KSR2: variants seen among roughly 807,000 people sequenced by gnomAD.
KSR2 encodes the protein kinase suppressor of ras 2.
A neutral mutation model predicts 107.8 loss-of-function variants in KSR2; 25 were observed. That is an observed-to-expected ratio of 0.23 (90% CI 0.17 to 0.32). The LOEUF (loss-of-function observed/expected upper bound fraction) is 0.32. Ranked by LOEUF, KSR2 falls within the 10% of genes least tolerant of loss-of-function variation. KSR2 has a pLI of 1.00. For synonymous variants in KSR2, 480 were observed against 507.0 expected (o/e 0.95, Z 0.71); for missense variants, 887 against 1,268.9 (o/e 0.70, Z 4.57).
chr12:117,625,659 A>T (rs940817572), intron 5 of KSR2, among the ~76,000 whole-genome samples: 1 of 151,998 alleles, frequency 6.6e-6, no homozygotes, highest in Non-Finnish European at 1.5e-5. Flanking sequence ...TTGGTCTAAA[A>T]TTTTCTTTTT....
chr12:117,668,577 C>T (rs1884766946), intron 4 of KSR2, among the ~76,000 whole-genome samples: 1 of 152,202 alleles, frequency 6.6e-6, no homozygotes. Flanking sequence ...TGGGGCCAGA[C>T]TCCCCAGATT....
intron 1 of KSR2, among the ~76,000 whole-genome samples, chr12:117,935,321 C>T (rs1895807781): frequency 6.6e-6 from 1 of 152,148 alleles, no homozygotes; most frequent in African/African-American, 2.4e-5. Context: ...GACTCATCCA[C>T]CTGCTTCTAT....
chr12:117,666,375 A>C (rs970732674), intron 5 of KSR2, among the ~76,000 whole-genome samples: 2 of 152,254 alleles, frequency 1.3e-5, no homozygotes, highest in Non-Finnish European at 2.9e-5. Flanking sequence ...GTAATGAAGG[A>C]AACCCCATAT....
chr12:117,527,037 G>A (rs779867621), intron 13 of KSR2, 34 bp downstream of exon 13: 2 of 1,605,934 alleles, frequency 1.2e-6, no homozygotes, highest in South Asian at 1.1e-5. Context: ...GGCAGTCCCT[G>A]GAAAATGTCG....
chr12:117,842,069 C>T lies in KSR2; in HGVS notation c.472+13359G>A, dbSNP rs1892507910. ...GTGTTCCCCAAACCAGCAGCACCAG[C>T]GTCGCCTGGGAACTTGTTAATGCAG... On this transcript the variant is annotated intron_variant, in intron 3 of 19. Transcript: ENST00000339824. The surrounding 1 kb of genome is among the most constrained non-coding windows in gnomAD (Gnocchi z 4.2). Among the ~76,000 whole-genome samples, 1 of 152,222 alleles carries T rather than the reference C, an allele frequency of 6.6e-6. No homozygotes were observed. Among genetic ancestry groups the T allele is most frequent in the African/African-American group, 2.4e-5 (1 of 41,456 alleles).
intron 7 of KSR2, among the ~76,000 whole-genome samples, chr12:117,563,065 A>C (rs1878228402): frequency 6.6e-6 from 1 of 152,094 alleles, no homozygotes; most frequent in Non-Finnish European, 1.5e-5. Flanking sequence ...CTTAATGGAA[A>C]CTGTTCTTCC....
At chr12:117,957,080 C>T (rs763585657) in intron 1 of KSR2, among the ~76,000 whole-genome samples, 34 of 152,244 alleles carry the variant, frequency 2.2e-4, no homozygotes, top group Non-Finnish European at 4.4e-5. Flanking sequence ...AATCCTATGG[C>T]TGCCACCTCT....
At chr12:117,794,034 A>ACACT (rs150068228) in intron 3 of KSR2, among the ~76,000 whole-genome samples, 7 of 47,494 alleles carry the variant, frequency 1.5e-4, no homozygotes, top group African/African-American at 5.5e-4. Context: ...ACCAACATGC[A>ACACT]CACACCAACA....
At chr12:117,846,292 ATTT>A (rs35755364) in intron 3 of KSR2, among the ~76,000 whole-genome samples, 18 of 127,482 alleles carry the variant, frequency 1.4e-4, no homozygotes, top group South Asian at 5.1e-4. Flanking sequence ...TTACCATTTG[ATTT>A]TTTTTTTTTT....
intron 1 of KSR2, among the ~76,000 whole-genome samples, chr12:117,889,018 G>T (rs928107837): frequency 1.3e-5 from 2 of 152,130 alleles, no homozygotes; most frequent in African/African-American, 4.8e-5. Context: ...AAAAATGAAT[G>T]CTCCCACAGG....
chr12:117,550,396 T>C (rs1357622154), intron 9 of KSR2, among the ~76,000 whole-genome samples: 1 of 152,218 alleles, frequency 6.6e-6, no homozygotes, highest in African/African-American at 2.4e-5. Context: ...CCATGGACAC[T>C]TTCTAAGGAA....
At chr12:117,705,733 G>C (rs1357631528) in intron 4 of KSR2, among the ~76,000 whole-genome samples, 1 of 152,234 alleles carries the variant, frequency 6.6e-6, no homozygotes, top group African/African-American at 2.4e-5. Context: ...GAACCTGCCA[G>C]AGAAGTTGAG....
At chr12:117,905,584 C>T (rs1894817318) in intron 1 of KSR2, among the ~76,000 whole-genome samples, 1 of 152,136 alleles carries the variant, frequency 6.6e-6, no homozygotes, top group African/African-American at 2.4e-5. Context: ...TTACATTCCA[C>T]AGCTATGGTA....
At position 117,658,658 on chromosome 12, in the gene KSR2, G is replaced by A. The variant is rs144666240; in HGVS notation, c.1171+8816C>T. Among the ~76,000 whole-genome samples, 188 of 152,210 alleles carry A rather than the reference G, an allele frequency of 1.2e-3. 1 individual carries two copies. Among genetic ancestry groups the A allele is most frequent in the African/African-American group, 4.5e-3 (187 of 41,522 alleles). Reference sequence around the variant, plus strand: ...TCACTCAACAAGACATGGAAGATAGGGCATCATGGAAAAGAAGGGTCAAAG... The same window carrying A: ...TCACTCAACAAGACATGGAAGATAGAGCATCATGGAAAAGAAGGGTCAAAG... On this transcript the variant is annotated intron_variant, in intron 5 of 19. Transcript: ENST00000339824.
At chr12:117,703,373 G>T (rs1312467898) in intron 4 of KSR2, among the ~76,000 whole-genome samples, 1 of 152,114 alleles carries the variant, frequency 6.6e-6, no homozygotes, top group African/African-American at 2.4e-5. Context: ...GATACTCTCA[G>T]AGACATACCC....
chr12:117,926,029 T>C (rs1482075250), intron 1 of KSR2, among the ~76,000 whole-genome samples: 1 of 152,118 alleles, frequency 6.6e-6, no homozygotes, highest in African/African-American at 2.4e-5. Context: ...AAACCCTGTC[T>C]CTACTAAAAA....
intron 5 of KSR2, among the ~76,000 whole-genome samples, chr12:117,665,397 T>G (rs574228572): frequency 6.6e-6 from 1 of 152,206 alleles, no homozygotes; most frequent in Non-Finnish European, 1.5e-5. Context: ...GTTTTTACTC[T>G]GGCCAAAATT....
intron 5 of KSR2, among the ~76,000 whole-genome samples, chr12:117,643,347 T>A (rs561045523): frequency 1.3e-5 from 2 of 151,840 alleles, no homozygotes; most frequent in Non-Finnish European, 2.9e-5. Flanking sequence ...CTCGGGAGGG[T>A]GAGACAGGAG....
In KSR2 at chr12:117,546,146, C is replaced by T. The variant is rs75923199; in HGVS notation, c.1519-6259G>A. Among the ~76,000 whole-genome samples, 1,216 of 152,236 alleles carry T rather than the reference C, an allele frequency of 8.0e-3. 18 individuals are homozygous for T. The highest frequency in any genetic ancestry group is 0.028 in the African/African-American group (1,152 of 41,550). ...AAATACTTTTCAGTTATTCTTTCAG[C>T]GTAGGTGTACTTATGGCAAACAGTC... On this transcript the variant is annotated intron_variant, in intron 9 of 19. Transcript: ENST00000339824.
Sources: gnomAD v4.1 joint callset for allele counts (sites outside exome capture counted in the v4.1 genomes callset) on GRCh38, gnomAD v4.1.1 for gene constraint, Gnocchi (gnomAD v3.1) non-coding constraint, MANE v1.5 for transcripts, NCBI Gene and HGNC (gene_info 2026-07-23, HGNC 2026-07-21) for gene names.